Variants in RAD52 observed in about 807,000 individuals in gnomAD.
RAD52 encodes the protein RAD52 DNA repair protein.
Under a neutral mutation model 55.5 loss-of-function variants are expected in RAD52, and 47 were observed. That is an observed-to-expected ratio of 0.85 (90% confidence interval 0.67 to 1.08). RAD52 has a LOEUF of 1.08. RAD52 is among the 50% of genes least tolerant of loss of function. The probability of loss-of-function intolerance (pLI) is 0.00; values close to 1 mark genes in which losing one functional copy is unlikely to be tolerated. For synonymous variants in RAD52, 184 were observed against 198.9 expected (o/e 0.92, Z 0.63); for missense variants, 468 against 522.8 (o/e 0.90, Z 1.02).
Position 914,423 on chromosome 12 carries a change from G to A in RAD52, c.967+8C>T, listed in dbSNP as rs373017643. 1 of 1,613,834 alleles carries A rather than the reference G, an allele frequency of 6.2e-7. No homozygotes were observed. On this transcript the variant is annotated splice_region_variant and intron_variant, in intron 10 of 11. Coordinates refer to ENST00000358495, the MANE Select transcript of RAD52 (RefSeq NM_134424.4). ...CACAGTAGCTTACAAGCATTTCAAG[G>A]TATTTACTGATTAATTCTTGAGTCA...
At chr12:916,129 A>AT (rs2154108398) in intron 9 of RAD52, 1 of 1,271,716 alleles carries the variant, frequency 7.9e-7, no homozygotes, top group African/African-American at 1.6e-5. Flanking sequence ...CCACGGGGGA[A>AT]AAAAGAAATC....
At chr12:925,372 C>T in intron 7 of RAD52, 78 bp downstream of exon 7, 2 of 1,239,294 alleles carry the variant, frequency 1.6e-6, no homozygotes, top group Admixed American at 1.7e-5. Flanking sequence ...TTTCTCCTTG[C>T]ATCCTCCAAA....
chr12:958,226 A>AT (rs1958636313), intron 1 of RAD52, among the ~76,000 whole-genome samples: 1 of 150,314 alleles, frequency 6.7e-6, no homozygotes, highest in African/African-American at 2.5e-5. Flanking sequence ...ATTTTATTTT[A>AT]TTTTTTGAGA....
At chr12:943,691 T>C (rs1482767820) in intron 1 of RAD52, among the ~76,000 whole-genome samples, 1 of 152,040 alleles carries the variant, frequency 6.6e-6, no homozygotes, top group Non-Finnish European at 1.5e-5. Context: ...TTTTGTCAAA[T>C]AGGTCCCTGT....
chr12:933,459 GAA>G (rs35399875), intron 1 of RAD52, among the ~76,000 whole-genome samples: 4 of 139,702 alleles, frequency 2.9e-5, no homozygotes, highest in Non-Finnish European at 3.1e-5. Flanking sequence ...TCCATTTCAG[GAA>G]AAAAAAAAAA....
chr12:967,483 G>A (rs1958786146), intron 1 of RAD52, among the ~76,000 whole-genome samples: 1 of 151,612 alleles, frequency 6.6e-6, no homozygotes, highest in Non-Finnish European at 1.5e-5. Flanking sequence ...GGTGGCTAGT[G>A]GGTACCCCTT....
chr12:944,608 T>TAAAA (rs778682036), intron 1 of RAD52, among the ~76,000 whole-genome samples: 14 of 93,580 alleles, frequency 1.5e-4, no homozygotes, highest in African/African-American at 2.6e-4. Context: ...AAAAACATGG[T>TAAAA]AAAAAAAAAA....
intron 1 of RAD52, among the ~76,000 whole-genome samples, chr12:985,272 C>T: frequency 6.6e-6 from 1 of 152,162 alleles, no homozygotes; most frequent in Non-Finnish European, 1.5e-5. Flanking sequence ...TCACAAGTAG[C>T]TGGGACTATG....
intron 1 of RAD52, among the ~76,000 whole-genome samples, chr12:982,800 C>A (rs1041860346): frequency 9.9e-5 from 15 of 151,376 alleles, no homozygotes; most frequent in African/African-American, 3.6e-4. Flanking sequence ...CACCCCCGCC[C>A]GCCCCTGCCC....
intron 1 of RAD52, among the ~76,000 whole-genome samples, chr12:934,778 T>TG (rs1225287990): frequency 1.3e-5 from 2 of 152,040 alleles, no homozygotes; most frequent in South Asian, 4.2e-4. Flanking sequence ...TCAAAAAAGC[T>TG]GGGGGGTAGG....
intron 7 of RAD52, among the ~76,000 whole-genome samples, chr12:924,571 C>T (rs904017279): frequency 2.6e-5 from 4 of 152,078 alleles, no homozygotes; most frequent in Admixed American, 1.3e-4. Flanking sequence ...CCCTGGGGAG[C>T]GACATGGCAG....
chr12:970,418 A>G (rs776500691), intron 1 of RAD52, among the ~76,000 whole-genome samples: 19 of 150,844 alleles, frequency 1.3e-4, no homozygotes, highest in Non-Finnish European at 2.4e-4. Context: ...TGGTTACTGG[A>G]TATTTATGTA....
intron 1 of RAD52, among the ~76,000 whole-genome samples, chr12:972,269 C>T (rs1374424611): frequency 1.3e-5 from 2 of 152,040 alleles, no homozygotes; most frequent in Non-Finnish European, 2.9e-5. Context: ...AAGCATAGTA[C>T]ACACACACAT....
At chr12:931,182 T>C in intron 3 of RAD52, 38 bp downstream of exon 3, 1 of 1,539,378 alleles carries the variant, frequency 6.5e-7, no homozygotes, top group Admixed American at 1.7e-5. Context: ...GAGTCTGCGG[T>C]ATGGATGCCT....
chr12:978,156 T>C (rs1401082864), intron 1 of RAD52, among the ~76,000 whole-genome samples: 1 of 152,230 alleles, frequency 6.6e-6, no homozygotes, highest in Admixed American at 6.5e-5. Context: ...AACTGTCCTT[T>C]CGTTCTGGAC....
Position 986,991 on chromosome 12 carries a change from A to C in RAD52, c.-19+2818T>G, listed in dbSNP as rs141150792. On this transcript the variant is annotated intron_variant, in intron 1 of 11. Coordinates refer to the RAD52 transcript ENST00000430095. Reference sequence around the variant, plus strand: ...TTTTAAAATTTATTTTTATTTTTTGAGATGGAGTTTTGCTCACTGCCCAGG... The same window carrying C: ...TTTTAAAATTTATTTTTATTTTTTGCGATGGAGTTTTGCTCACTGCCCAGG... 1.2e-3 allele frequency among the ~76,000 whole-genome samples: 189 copies of C among 152,006 alleles called. 5 individuals are homozygous for C. The East Asian group carries it at 0.03, about 24-fold the overall frequency.
At chr12:970,810 A>C (rs1958837703) in intron 1 of RAD52, among the ~76,000 whole-genome samples, 1 of 152,138 alleles carries the variant, frequency 6.6e-6, no homozygotes, top group Non-Finnish European at 1.5e-5. Context: ...GTATCACAGC[A>C]AAGGGAATGT....
intron 1 of RAD52, among the ~76,000 whole-genome samples, chr12:965,377 T>C (rs1958746761): frequency 6.6e-6 from 1 of 152,104 alleles, no homozygotes; most frequent in African/African-American, 2.4e-5. Context: ...CTTTGTATTG[T>C]TATGTATTAG....
intron 7 of RAD52, among the ~76,000 whole-genome samples, chr12:923,386 T>A (rs1160252421): frequency 6.6e-6 from 1 of 151,470 alleles, no homozygotes; most frequent in African/African-American, 2.4e-5. Context: ...TAGTAATAAT[T>A]GTTTAAAAAA....
Sources: gnomAD v4.1 joint callset for allele counts (sites outside exome capture counted in the v4.1 genomes callset) on GRCh38, gnomAD v4.1.1 for gene constraint, MANE v1.5 for transcripts, NCBI Gene and HGNC (gene_info 2026-07-23, HGNC 2026-07-21) for gene names.